Variants in UQCRC2 observed in about 807,000 individuals in gnomAD.
UQCRC2 encodes ubiquinol-cytochrome c reductase core protein 2, also known as cytochrome b-c1 complex subunit 2, mitochondrial.
A neutral mutation model predicts 55.6 loss-of-function variants in UQCRC2; 49 were observed. The observed-to-expected ratio is 0.88, with a 90% CI of 0.70 to 1.12. The LOEUF is 1.12. UQCRC2 is among the 50% of genes most tolerant of loss of function. The pLI is 0.00. For synonymous variants in UQCRC2, 193 were observed against 192.0 expected, an observed-to-expected ratio of 1.01 and a Z score of -0.04; for missense variants, 506 against 547.8, an observed-to-expected ratio of 0.92 and a Z score of 0.76.
intron 1 of UQCRC2, among the ~76,000 whole-genome samples, chr16:21,956,325 C>T (rs1898085817): frequency 1.3e-5 from 2 of 152,044 alleles, no homozygotes; most frequent in Admixed American, 1.3e-4. Flanking sequence ...GGGTGGATTG[C>T]CTGAGCTCAG....
chr16:21,969,648 AT>A (rs199947732), intron 8 of UQCRC2, among the ~76,000 whole-genome samples: 2 of 152,154 alleles, frequency 1.3e-5, no homozygotes, highest in South Asian at 4.1e-4. Flanking sequence ...CATTTGTAAT[AT>A]TTTTTGTTTT....
Position 21,967,779 on chromosome 16 carries a change from T to A in UQCRC2, c.613-849T>A, listed in dbSNP as rs73531765. Among the ~76,000 whole-genome samples, 1,470 of 152,280 alleles carry A rather than the reference T, an allele frequency of 9.7e-3. 21 individuals carry two copies. Among genetic ancestry groups the A allele is most frequent in the African/African-American group, 0.034 (1,402 of 41,550 alleles). ...TCGACACCCTGGTATAGACAATGAC[T>A]TCATGGTCAGAAAAGCTTTATAGAG... On this transcript the variant is annotated intron_variant, in intron 7 of 13. Coordinates refer to ENST00000268379, the MANE Select transcript of UQCRC2 (RefSeq NM_003366.4).
intron 13 of UQCRC2, among the ~76,000 whole-genome samples, chr16:21,982,118 G>A (rs935301088): frequency 6.6e-6 from 1 of 152,054 alleles, no homozygotes; most frequent in African/African-American, 2.4e-5. Flanking sequence ...GGGATTACAG[G>A]TGTGAATCAA....
intron 8 of UQCRC2, among the ~76,000 whole-genome samples, chr16:21,969,926 C>T (rs1232639063): frequency 6.6e-6 from 1 of 151,910 alleles, no homozygotes; most frequent in Non-Finnish European, 1.5e-5. Context: ...AGCTGGAGCA[C>T]AGTGGCACAA....
At chr16:21,981,272 C>T (rs1217882291) in intron 13 of UQCRC2, among the ~76,000 whole-genome samples, 1 of 152,062 alleles carries the variant, frequency 6.6e-6, no homozygotes, top group Non-Finnish European at 1.5e-5. Context: ...AGGGCAAGGA[C>T]TATGTCATGT....
Position 21,961,797 on chromosome 16 carries a change from G to A in UQCRC2, c.333-663G>A, listed in dbSNP as rs143747415. Among the ~76,000 whole-genome samples the A allele has an allele frequency of 4.0e-3, 611 of 150,986 alleles. 5 individuals are homozygous for A. The Middle Eastern group carries it at 0.048, about 12-fold the overall frequency. ...CTCCGTGGTAGCTGGGATTACAGGC[G>A]TGCGCCACCATGCTTGGCTAATTTT... On this transcript the variant is annotated intron_variant, in intron 4 of 13. Coordinates refer to ENST00000268379, the MANE Select transcript of UQCRC2 (RefSeq NM_003366.4).
intron 12 of UQCRC2, among the ~76,000 whole-genome samples, chr16:21,978,165 T>C (rs1898629979): frequency 6.6e-6 from 1 of 152,222 alleles, no homozygotes. Flanking sequence ...ATACTTTTTC[T>C]TGTAAGTTCT....
In UQCRC2 at chr16:21,957,755, AG is replaced by A. The variant is rs1228976100; in HGVS notation, c.267+191del. Among the ~76,000 whole-genome samples, 8 of 152,222 alleles carry A rather than the reference AG, an allele frequency of 5.3e-5. No homozygotes were observed. The South Asian group carries it at 1.4e-3, about 28-fold the overall frequency. On this transcript the variant is annotated intron_variant, in intron 3 of 13. Transcript: ENST00000268379. ...TTCTAGAGGCTAGAAGTCCAAGTCA[AG>A]GTGTCTAAGCCAAGCCAAGATATCA...
chr16:21,976,651 TGC>T (rs1898592375), intron 12 of UQCRC2: 1 of 156,494 alleles, frequency 6.4e-6, no homozygotes, highest in South Asian at 1.9e-4. Context: ...TCCTGAGAAA[TGC>T]GCATATCGAA....
intron 12 of UQCRC2, among the ~76,000 whole-genome samples, chr16:21,977,492 A>AT (rs895889694): frequency 1.3e-5 from 2 of 152,158 alleles, no homozygotes; most frequent in Non-Finnish European, 2.9e-5. Context: ...AAAAGATCTG[A>AT]TTTTGTTTTG....
chr16:21,969,398 G>A (rs1397411041), intron 8 of UQCRC2, among the ~76,000 whole-genome samples: 1 of 152,176 alleles, frequency 6.6e-6, no homozygotes, highest in Non-Finnish European at 1.5e-5. Flanking sequence ...GTCGGGCATG[G>A]TGACACATGC....
chr16:21,962,370 C>G, intron 4 of UQCRC2, 90 bp from the exon 5 acceptor site: 1 of 1,477,860 alleles, frequency 6.8e-7, no homozygotes, highest in South Asian at 1.2e-5. Context: ...CAGAAATTTT[C>G]TTTCCAAAGG....
At chr16:21,957,108 TG>T in intron 1 of UQCRC2, 126 bp from the exon 2 acceptor site, 2 of 733,214 alleles carry the variant, frequency 2.7e-6, no homozygotes, top group Non-Finnish European at 4.4e-6. Flanking sequence ...AATCCTCCCA[TG>T]GAGGTGGTTA....
chr16:21,967,374 C>A (rs926591728), intron 7 of UQCRC2, among the ~76,000 whole-genome samples: 1 of 152,000 alleles, frequency 6.6e-6, no homozygotes, highest in African/African-American at 2.4e-5. Flanking sequence ...AAACCTCTTA[C>A]TTTTAATACC....
intron 1 of UQCRC2, among the ~76,000 whole-genome samples, chr16:21,956,100 C>T (rs922718368): frequency 3.9e-5 from 6 of 152,130 alleles, no homozygotes; most frequent in African/African-American, 1.4e-4. Flanking sequence ...GCTGGGATTA[C>T]AGGCGTGAGC....
intron 4 of UQCRC2, 127 bp from the exon 5 acceptor site, chr16:21,962,333 A>G: frequency 9.1e-7 from 1 of 1,097,194 alleles, no homozygotes; most frequent in Non-Finnish European, 1.3e-6. Flanking sequence ...GAGTTTTGTT[A>G]TATTATTGTT....
intron 12 of UQCRC2, 57 bp from the exon 13 acceptor site, chr16:21,980,490 G>GAAA: frequency 2.1e-6 from 3 of 1,450,388 alleles, no homozygotes; most frequent in Non-Finnish European, 1.9e-6. Context: ...CCACCACTCA[G>GAAA]AAAAAAAAAA....
chr16:21,961,775 C>T (rs996748877), intron 4 of UQCRC2, among the ~76,000 whole-genome samples: 3 of 150,330 alleles, frequency 2.0e-5, no homozygotes, highest in Non-Finnish European at 3.0e-5. Flanking sequence ...CCTCAGCCTC[C>T]GTGGTAGCTG....
intron 10 of UQCRC2, among the ~76,000 whole-genome samples, chr16:21,973,291 A>G (rs911660737): frequency 2.2e-4 from 33 of 152,292 alleles, no homozygotes; most frequent in Middle Eastern, 3.4e-3. Flanking sequence ...GAAAGTTTGT[A>G]TTTTTAATAA....
Sources: gnomAD v4.1 joint callset for allele counts (sites outside exome capture counted in the v4.1 genomes callset) on GRCh38, gnomAD v4.1.1 for gene constraint, MANE v1.5 for transcripts, NCBI Gene and HGNC (gene_info 2026-07-23, HGNC 2026-07-21) for gene names.